CSMD3: variants seen among roughly 807,000 people sequenced by gnomAD.
CSMD3 encodes CUB and Sushi multiple domains 3, also known as CUB and sushi domain-containing protein 3.
A neutral mutation model predicts 435.2 loss-of-function variants in CSMD3; 177 were observed. That is an observed-to-expected ratio of 0.41 (90% CI 0.36 to 0.46). The LOEUF (loss-of-function observed/expected upper bound fraction) is 0.46. Ranked by LOEUF, CSMD3 falls within the 20% of genes least tolerant of loss-of-function variation. CSMD3 has a pLI of 0.34. For missense variants in CSMD3, 4,265 were observed against 4,504.6 expected (o/e 0.95, Z 1.52); for synonymous variants, 1,656 against 1,520.5 (o/e 1.09, Z -2.07).
chr8:113,390,574 T>C (rs1181395287), intron 1 of CSMD3, among the ~76,000 whole-genome samples: 3 of 151,918 alleles, frequency 2.0e-5, no homozygotes, highest in Non-Finnish European at 4.4e-5. Context: ...GAAGTTTTCA[T>C]GATATTTTGT....
chr8:112,516,697 T>C (rs1280713969), intron 28 of CSMD3, among the ~76,000 whole-genome samples: 2 of 152,208 alleles, frequency 1.3e-5, no homozygotes, highest in South Asian at 2.1e-4. Context: ...AAGATCAATA[T>C]GACCCATTTT....
At chr8:113,131,625 C>T (rs529862206) in intron 4 of CSMD3, among the ~76,000 whole-genome samples, 4 of 152,160 alleles carry the variant, frequency 2.6e-5, no homozygotes, top group East Asian at 1.9e-4. Flanking sequence ...GGAGAACCTC[C>T]GCTAGGAAAG....
chr8:113,184,049 T>C (rs1218214646), intron 3 of CSMD3, among the ~76,000 whole-genome samples: 1 of 151,946 alleles, frequency 6.6e-6, no homozygotes, highest in Non-Finnish European at 1.5e-5. Flanking sequence ...TCTGGAACCT[T>C]TGCCTGACAA....
At chr8:113,387,383 A>G (rs4311682) in intron 1 of CSMD3, among the ~76,000 whole-genome samples, 108,115 of 151,590 alleles carry the variant, frequency 0.71, 38,808 homozygotes, top group East Asian at 0.94. Context: ...TCCAATTTAT[A>G]CAAGCCTTTA....
chr8:112,671,079 G>T, intron 16 of CSMD3, among the ~76,000 whole-genome samples: 1 of 152,178 alleles, frequency 6.6e-6, no homozygotes, highest in African/African-American at 2.4e-5. Flanking sequence ...GATAATTTTA[G>T]CAAGTAAAAG....
chr8:112,857,782 T>A (rs911881135), intron 11 of CSMD3, among the ~76,000 whole-genome samples: 2 of 151,344 alleles, frequency 1.3e-5, no homozygotes, highest in African/African-American at 4.8e-5. Context: ...CTGAGAATAG[T>A]GTACGGCATG....
chr8:112,455,091 G>A (rs1365124856), intron 32 of CSMD3, among the ~76,000 whole-genome samples: 2 of 151,648 alleles, frequency 1.3e-5, no homozygotes, highest in African/African-American at 2.4e-5. Context: ...CCATTACTGG[G>A]TATATACCCA....
At chr8:113,198,054 C>T (rs550925868) in intron 3 of CSMD3, among the ~76,000 whole-genome samples, 24 of 151,160 alleles carry the variant, frequency 1.6e-4, no homozygotes, top group Non-Finnish European at 3.4e-4. Flanking sequence ...TACATGAATA[C>T]CTATTTATTT....
intron 5 of CSMD3, among the ~76,000 whole-genome samples, chr8:113,041,219 G>T (rs1464147338): frequency 7.3e-6 from 1 of 136,354 alleles, no homozygotes; most frequent in Non-Finnish European, 1.6e-5. Context: ...AAAAAAAAAG[G>T]GGGGGGTGGG....
intron 5 of CSMD3, among the ~76,000 whole-genome samples, chr8:113,075,574 T>C (rs1356633632): frequency 6.6e-6 from 1 of 151,878 alleles, no homozygotes; most frequent in East Asian, 1.9e-4. Context: ...GTCAGAATTG[T>C]CAGGCTTAAT....
chr8:112,415,711 A>C (rs1372469828), intron 32 of CSMD3, among the ~76,000 whole-genome samples: 1 of 152,198 alleles, frequency 6.6e-6, no homozygotes, highest in African/African-American at 2.4e-5. Flanking sequence ...ACAGAGGTGG[A>C]GTTGCCCAAG....
chr8:112,898,221 A>C (rs2082006480), intron 10 of CSMD3, among the ~76,000 whole-genome samples: 1 of 151,196 alleles, frequency 6.6e-6, no homozygotes, highest in Non-Finnish European at 1.5e-5. Context: ...TAGTGCTTGA[A>C]GATAGTGATA....
At chr8:112,814,779 C>T (rs2079326610) in intron 12 of CSMD3, among the ~76,000 whole-genome samples, 1 of 148,240 alleles carries the variant, frequency 6.7e-6, no homozygotes, top group South Asian at 2.1e-4. Context: ...AAGACTCCAT[C>T]TCAAAAAAAA....
intron 63 of CSMD3, among the ~76,000 whole-genome samples, chr8:112,253,565 T>C (rs1369890549): frequency 6.6e-6 from 1 of 152,020 alleles, no homozygotes; most frequent in Non-Finnish European, 1.5e-5. Context: ...TTGGGTAATG[T>C]GTAAATTGGC....
chr8:112,690,958 T>C (rs1203683247), intron 13 of CSMD3, among the ~76,000 whole-genome samples: 1 of 152,252 alleles, frequency 6.6e-6, no homozygotes, highest in East Asian at 1.9e-4. Flanking sequence ...GACACATTGC[T>C]AGTTCCTCCG....
At chr8:113,142,444 A>G (rs577753467) in intron 4 of CSMD3, among the ~76,000 whole-genome samples, 88 of 151,338 alleles carry the variant, frequency 5.8e-4, no homozygotes, top group African/African-American at 2.0e-3. Context: ...AGAACAGAGT[A>G]GGGAATCCAT....
At chr8:112,597,095 A>T (rs1831803129) in intron 22 of CSMD3, among the ~76,000 whole-genome samples, 1 of 152,070 alleles carries the variant, frequency 6.6e-6, no homozygotes, top group Admixed American at 6.6e-5. Flanking sequence ...TTTTGAAAGG[A>T]TCAACAAAAT....
chr8:112,615,254 A>T (rs557346115), intron 22 of CSMD3, among the ~76,000 whole-genome samples: 45 of 152,230 alleles, frequency 3.0e-4, no homozygotes, highest in Admixed American at 5.9e-4. Context: ...AACTGTCCGA[A>T]TGCATAGTGG....
rs1290674352 is a variant in CSMD3 at position 112,956,617 on chromosome 8, T to C, written c.1343-1856A>G. ...AATAAAGAAAACTAAAGGAAAAGAT[T>C]ATCAGACCAAAGGAGAAAATGCAAA... On this transcript the variant is annotated intron_variant, in intron 7 of 70. Transcript: ENST00000297405. Among the ~76,000 whole-genome samples, 5 of 152,238 alleles carry C rather than the reference T, an allele frequency of 3.3e-5. No individual in the cohort carries two copies. In the South Asian group the frequency reaches 8.3e-4, roughly 25 times the overall value.
Sources: allele counts gnomAD v4.1 joint callset (sites outside exome capture counted in the v4.1 genomes callset), GRCh38; gene constraint gnomAD v4.1.1; transcripts MANE v1.5; gene names NCBI Gene and HGNC (gene_info 2026-07-23, HGNC 2026-07-21).